ASTN2: variants seen among roughly 807,000 people sequenced by gnomAD.
ASTN2 encodes astrotactin 2.
ASTN2 carries 54 observed loss-of-function variants against 139.8 expected under a neutral mutation model. That is an observed-to-expected ratio of 0.39 (90% CI 0.31 to 0.48). ASTN2 has a LOEUF of 0.48. Ranked by LOEUF, ASTN2 falls within the 20% of genes least tolerant of loss-of-function variation. ASTN2 has a pLI of 0.95. For missense variants in ASTN2, 1,565 were observed against 1,725.1 expected (o/e 0.91, Z 1.64); for synonymous variants, 756 against 719.5 (o/e 1.05, Z -0.81).
intron 3 of ASTN2, among the ~76,000 whole-genome samples, chr9:117,168,615 A>G (rs1436315396): frequency 1.3e-5 from 2 of 152,162 alleles, no homozygotes; most frequent in African/African-American, 2.4e-5. Flanking sequence ...TTCCAGACAC[A>G]TATGCCCTGT....
chr9:117,160,589 T>C (rs1210572208), intron 3 of ASTN2, among the ~76,000 whole-genome samples: 1 of 152,078 alleles, frequency 6.6e-6, no homozygotes, highest in Admixed American at 6.6e-5. Context: ...ATATTTATTT[T>C]TATTATTTTT....
chr9:117,242,404 T>C (rs1474436676), intron 2 of ASTN2, among the ~76,000 whole-genome samples: 5 of 152,152 alleles, frequency 3.3e-5, no homozygotes, highest in Admixed American at 3.3e-4. Flanking sequence ...CTTGATGTAC[T>C]TAATAGAGGA....
intron 3 of ASTN2, among the ~76,000 whole-genome samples, chr9:117,202,878 A>G (rs995677751): frequency 1.3e-5 from 2 of 152,002 alleles, no homozygotes; most frequent in African/African-American, 2.4e-5. Flanking sequence ...GCATGCTAGC[A>G]TGTCTTGCTA....
At chr9:116,850,194 G>A (rs1201642135) in intron 11 of ASTN2, among the ~76,000 whole-genome samples, 3 of 152,182 alleles carry the variant, frequency 2.0e-5, no homozygotes, top group Non-Finnish European at 2.9e-5. Flanking sequence ...GTCCAGGGCA[G>A]GGCCCTTCAA....
intron 4 of ASTN2, among the ~76,000 whole-genome samples, chr9:117,109,461 C>T (rs563266173): frequency 4.7e-4 from 72 of 152,238 alleles, no homozygotes; most frequent in African/African-American, 1.5e-3. Flanking sequence ...GTTCTGAAAA[C>T]ATCTCAAGAT....
rs186868776 is a variant in ASTN2 at position 117,192,268 on chromosome 9, G to A, written c.1015+22090C>T. On this transcript the variant is annotated intron_variant, in intron 3 of 22. Coordinates refer to ENST00000313400, the MANE Select transcript of ASTN2 (RefSeq NM_001365068.1). The stretch of plus-strand genomic sequence containing the variant: ...GCTAAGAAACCAAAGCAAAAAAGCC[G>A]CAGAGGCAGGGTCTGGTCCAGGATG... Among the ~76,000 whole-genome samples, 609 of 152,194 alleles carry A rather than the reference G, an allele frequency of 4.0e-3. 4 individuals are homozygous for A. The highest frequency in any genetic ancestry group is 0.014 in the African/African-American group (577 of 41,530).
intron 3 of ASTN2, among the ~76,000 whole-genome samples, chr9:117,145,034 G>T (rs1429374574): frequency 6.6e-6 from 1 of 151,944 alleles, no homozygotes; most frequent in East Asian, 1.9e-4. Context: ...GTACAGGTTT[G>T]TTACGTAGGT....
rs142424641 is a variant in ASTN2 at position 117,254,078 on chromosome 9, C to T, written c.630+37248G>A. Among the ~76,000 whole-genome samples, 9 of 152,236 alleles carry T rather than the reference C, an allele frequency of 5.9e-5. No individual in the cohort carries two copies. The East Asian group carries it at 1.5e-3, about 26-fold the overall frequency. ...GGTGAAGGTTCCAACGCCAGCTTTGCTTTTACTGAGATTTACTTCCTTGGG... is the reference window on the plus strand; with the variant it reads ...GGTGAAGGTTCCAACGCCAGCTTTGTTTTTACTGAGATTTACTTCCTTGGG... On this transcript the variant is annotated intron_variant, in intron 2 of 22. Coordinates refer to ENST00000313400, the MANE Select transcript of ASTN2 (RefSeq NM_001365068.1).
At chr9:116,757,135 G>T (rs1305758577) in intron 13 of ASTN2, among the ~76,000 whole-genome samples, 3 of 152,096 alleles carry the variant, frequency 2.0e-5, no homozygotes, top group Non-Finnish European at 2.9e-5. Flanking sequence ...CAGATAAGAG[G>T]ACTCCAAGCA....
rs890376012 is a variant in ASTN2, at chr9:117,242,210, G to C, written c.631-27468C>G. On this transcript the variant is annotated intron_variant, in intron 2 of 22. Transcript: ENST00000313400. ...TTAGAGAGTGTTTCCTATTTGGAAT[G>C]GTTCCCCTGGACATAGCCTACATCC... 5.9e-5 allele frequency among the ~76,000 whole-genome samples: 9 copies of C among 151,816 alleles called. No homozygotes were observed. In the East Asian group the frequency reaches 1.8e-3, roughly 30 times the overall value.
intron 11 of ASTN2, among the ~76,000 whole-genome samples, chr9:116,826,794 C>T (rs115580193): frequency 0.026 from 3,890 of 152,202 alleles, 189 homozygotes; most frequent in African/African-American, 0.089. Flanking sequence ...GCACACTCAC[C>T]CCACTGCTGC....
At chr9:117,293,830 G>A (rs979702857) in intron 1 of ASTN2, among the ~76,000 whole-genome samples, 1 of 152,166 alleles carries the variant, frequency 6.6e-6, no homozygotes, top group Non-Finnish European at 1.5e-5. Context: ...GGGAACCCAG[G>A]GCTGAAAGCT....
intron 1 of ASTN2, among the ~76,000 whole-genome samples, chr9:117,364,514 T>C (rs955395883): frequency 1.4e-4 from 22 of 152,198 alleles, no homozygotes; most frequent in African/African-American, 4.8e-4. Flanking sequence ...AGGCATGATT[T>C]ACTTAGTTTT....
intron 1 of ASTN2, among the ~76,000 whole-genome samples, chr9:117,327,121 G>T (rs999899036): frequency 1.3e-5 from 2 of 152,186 alleles, no homozygotes; most frequent in Admixed American, 1.3e-4. Flanking sequence ...TTCACAATAG[G>T]GTTCGTGCTC....
chr9:116,750,383 G>A (rs1829364407), intron 13 of ASTN2, among the ~76,000 whole-genome samples: 1 of 152,160 alleles, frequency 6.6e-6, no homozygotes, highest in Non-Finnish European at 1.5e-5. Context: ...TGAATTTGTG[G>A]TTGGGGTCGC....
intron 20 of ASTN2, among the ~76,000 whole-genome samples, chr9:116,445,321 A>G (rs1847955073): frequency 1.3e-5 from 2 of 152,222 alleles, no homozygotes; most frequent in South Asian, 4.1e-4. Context: ...ATTTTTATAA[A>G]AGCACTTATT....
At chr9:117,352,635 T>G (rs1278270937) in intron 1 of ASTN2, among the ~76,000 whole-genome samples, 2 of 152,196 alleles carry the variant, frequency 1.3e-5, no homozygotes, top group Non-Finnish European at 2.9e-5. Flanking sequence ...TCTTTAGTGT[T>G]TCTTCTAGTT....
chr9:117,283,281 C>G (rs1834369301), intron 2 of ASTN2, among the ~76,000 whole-genome samples: 1 of 152,206 alleles, frequency 6.6e-6, no homozygotes, highest in Non-Finnish European at 1.5e-5. Context: ...ACTTTGCCCA[C>G]AGGCCTAGCT....
intron 2 of ASTN2, among the ~76,000 whole-genome samples, chr9:117,276,785 T>A (rs2133134865): frequency 6.6e-6 from 1 of 152,192 alleles, no homozygotes; most frequent in Non-Finnish European, 1.5e-5. Context: ...AAACACAGGA[T>A]GTGGATCCCA....
Sources: allele counts gnomAD v4.1 joint callset (sites outside exome capture counted in the v4.1 genomes callset), GRCh38; gene constraint gnomAD v4.1.1; transcripts MANE v1.5; gene names NCBI Gene and HGNC (gene_info 2026-07-23, HGNC 2026-07-21).